The following ZRANB3 variants were observed in gnomAD, a reference collection of about 807,000 sequenced individuals.
ZRANB3 encodes zinc finger RANBP2-type containing 3, also known as DNA annealing helicase and endonuclease ZRANB3.
Under a neutral mutation model 133.8 loss-of-function variants are expected in ZRANB3, and 125 were observed. The observed-to-expected ratio is 0.93, with a 90% confidence interval of 0.81 to 1.08. ZRANB3 has a LOEUF of 1.08. Ranked by LOEUF, ZRANB3 falls within the 50% of genes least tolerant of loss-of-function variation. The probability of loss-of-function intolerance (pLI) is 0.00; values close to 1 mark genes in which losing one functional copy is unlikely to be tolerated. For missense variants in ZRANB3, 1,229 were observed against 1,275.5 expected, an observed-to-expected ratio of 0.96 and a Z score of 0.56; for synonymous variants, 387 against 432.7, an observed-to-expected ratio of 0.89 and a Z score of 1.31.
intron 9 of ZRANB3, 118 bp from the exon 10 acceptor site, chr2:135,272,005 A>T (rs1680541638): frequency 9.1e-7 from 1 of 1,098,674 alleles, no homozygotes. Context: ...GGTTAAGGTG[A>T]CAGATTGGTA....
intron 2 of ZRANB3, among the ~76,000 whole-genome samples, chr2:135,475,406 T>C (rs1440831840): frequency 6.6e-6 from 1 of 152,196 alleles, no homozygotes; most frequent in Non-Finnish European, 1.5e-5. Flanking sequence ...AATATGTAAA[T>C]AACTAACTCA....
In ZRANB3 at chr2:135,231,076, C is replaced by T. The variant is rs537100727; in HGVS notation, c.1540-149G>A. The T allele has an allele frequency of 1.0e-5, 5 of 499,910 alleles. No individual in the cohort carries two copies. The East Asian group carries it at 1.4e-4, about 14-fold the overall frequency. The allele number at this position is 499,910 out of a possible 1,614,324, so 31.0% of individuals were successfully genotyped here. On this transcript the variant is annotated intron_variant, in intron 12 of 20. Coordinates refer to ENST00000264159, the MANE Select transcript of ZRANB3 (RefSeq NM_032143.4). ...ATGAATTCATTATGCTCTGACTCTTCATATATACATATATAAATATATATA... is the reference window on the plus strand; with the variant it reads ...ATGAATTCATTATGCTCTGACTCTTTATATATACATATATAAATATATATA...
At chr2:135,269,218 A>G in intron 10 of ZRANB3, 77 bp from the exon 11 acceptor site, 1 of 1,231,940 alleles carries the variant, frequency 8.1e-7, no homozygotes, top group Non-Finnish European at 1.1e-6. Flanking sequence ...AACATGTTAA[A>G]TGGAGAACAC....
chr2:135,317,604 G>C (rs1380606752), intron 6 of ZRANB3, among the ~76,000 whole-genome samples: 1 of 152,180 alleles, frequency 6.6e-6, no homozygotes, highest in African/African-American at 2.4e-5. Context: ...CTCCTGCAGA[G>C]TACCAACAGT....
At chr2:135,364,978 G>A (rs1685862395) in intron 3 of ZRANB3, among the ~76,000 whole-genome samples, 1 of 152,154 alleles carries the variant, frequency 6.6e-6, no homozygotes. Flanking sequence ...GAACCTGGAA[G>A]GCAGAGGTTG....
At chr2:135,431,426 T>C (rs532707515) in intron 2 of ZRANB3, among the ~76,000 whole-genome samples, 2 of 151,922 alleles carry the variant, frequency 1.3e-5, no homozygotes, top group Admixed American at 1.3e-4. Flanking sequence ...ATCTTTGTGA[T>C]CTTGAGTTAG....
chr2:135,462,591 C>CTCTTTT (rs1269449650), intron 2 of ZRANB3, among the ~76,000 whole-genome samples: 1 of 148,622 alleles, frequency 6.7e-6, no homozygotes, highest in Non-Finnish European at 1.5e-5. Flanking sequence ...CCCTCTCTCT[C>CTCTTTT]TCTTTTTCTT....
At chr2:135,330,842 T>C (rs1465242534) in intron 6 of ZRANB3, among the ~76,000 whole-genome samples, 1 of 152,162 alleles carries the variant, frequency 6.6e-6, no homozygotes, top group Non-Finnish European at 1.5e-5. Flanking sequence ...TGTATAGAGG[T>C]GTTTATAGTA....
At chr2:135,263,127 C>T (rs1261982303) in intron 12 of ZRANB3, among the ~76,000 whole-genome samples, 1 of 152,090 alleles carries the variant, frequency 6.6e-6, no homozygotes, top group Non-Finnish European at 1.5e-5. Context: ...CCAGAGGTAA[C>T]CAATTTTATA....
intron 1 of ZRANB3, among the ~76,000 whole-genome samples, chr2:135,523,149 T>C (rs755803835): frequency 1.3e-5 from 2 of 152,204 alleles, no homozygotes; most frequent in Admixed American, 1.3e-4. Context: ...AGTACAACCA[T>C]GCAAGTTACT....
chr2:135,406,199 C>T (rs1477775097), intron 2 of ZRANB3, among the ~76,000 whole-genome samples: 1 of 152,146 alleles, frequency 6.6e-6, no homozygotes, highest in Non-Finnish European at 1.5e-5. Flanking sequence ...AACACCTCTA[C>T]ACAAATAAAC....
At chr2:135,409,949 A>G (rs924426187) in intron 2 of ZRANB3, among the ~76,000 whole-genome samples, 1 of 152,176 alleles carries the variant, frequency 6.6e-6, no homozygotes, top group Admixed American at 6.6e-5. Flanking sequence ...CTCTATAAGG[A>G]GAACTTTGTA....
intron 13 of ZRANB3, among the ~76,000 whole-genome samples, chr2:135,230,054 G>C (rs1308285090): frequency 6.6e-6 from 1 of 152,092 alleles, no homozygotes. Context: ...AAAAACCATG[G>C]CACAATGTAT....
chr2:135,484,743 T>C (rs922583603), intron 2 of ZRANB3, among the ~76,000 whole-genome samples: 18 of 150,432 alleles, frequency 1.2e-4, no homozygotes, highest in Admixed American at 9.9e-4. Context: ...AAATATTTAA[T>C]AAATATTTTA....
At chr2:135,416,514 G>A (rs1182145924) in intron 2 of ZRANB3, among the ~76,000 whole-genome samples, 6 of 151,564 alleles carry the variant, frequency 4.0e-5, no homozygotes, top group East Asian at 3.9e-4. Flanking sequence ...AATCAATATC[G>A]TGAAAATGGC....
intron 18 of ZRANB3, 51 bp downstream of exon 18, chr2:135,208,817 G>A (rs1394876488): frequency 2.1e-6 from 3 of 1,443,884 alleles, no homozygotes; most frequent in Non-Finnish European, 2.9e-6. Context: ...ATACATAAAT[G>A]TAAAGGAGTG....
At chr2:135,240,302 A>T (rs893108386) in intron 12 of ZRANB3, among the ~76,000 whole-genome samples, 2 of 152,194 alleles carry the variant, frequency 1.3e-5, no homozygotes, top group African/African-American at 4.8e-5. Context: ...ACATGGCAAG[A>T]CCCTGTCTCT....
intron 20 of ZRANB3, among the ~76,000 whole-genome samples, 162 bp from the exon 21 acceptor site, chr2:135,200,602 T>G (rs1384862661): frequency 6.6e-6 from 1 of 152,086 alleles, no homozygotes; most frequent in Non-Finnish European, 1.5e-5. Context: ...GCAGAGTATC[T>G]CAGCAGCTCT....
chr2:135,320,601 A>G (rs1033389818), intron 6 of ZRANB3, among the ~76,000 whole-genome samples: 6 of 152,210 alleles, frequency 3.9e-5, no homozygotes, highest in Admixed American at 3.9e-4. Context: ...TTGATCATAT[A>G]TAATTTAAAA....
Sources: allele counts gnomAD v4.1 joint callset (sites outside exome capture counted in the v4.1 genomes callset), GRCh38; gene constraint gnomAD v4.1.1; transcripts MANE v1.5; gene names NCBI Gene and HGNC (gene_info 2026-07-23, HGNC 2026-07-21).